The following WDR35 variants were observed in gnomAD, a reference collection of about 807,000 sequenced individuals.
WDR35 encodes the protein WD repeat domain 35, also known as WD repeat-containing protein 35.
A neutral mutation model predicts 158.3 loss-of-function variants in WDR35; 118 were observed. The ratio of observed to expected loss-of-function variants is 0.75; its 90% confidence interval spans 0.64 to 0.87. WDR35 has a LOEUF of 0.87. Among genes scored for constraint, WDR35 ranks in the 40% least tolerant of loss-of-function variants. WDR35 has a pLI of 0.00. For synonymous variants in WDR35, 448 were observed against 476.1 expected (o/e 0.94, Z 0.77); for missense variants, 1,263 against 1,405.8 (o/e 0.90, Z 1.62).
intron 25 of WDR35, among the ~76,000 whole-genome samples, chr2:19,928,678 TA>T (rs893145197): frequency 9.9e-5 from 15 of 152,178 alleles, no homozygotes; most frequent in Non-Finnish European, 1.3e-4. Context: ...CATGACTATA[TA>T]AAAAAAACTA....
In WDR35 at chr2:19,944,361, G is replaced by T. The variant is rs563468330; in HGVS notation, c.1845+1425C>A. The stretch of plus-strand genomic sequence containing the variant: ...TAAGAAACTCTTTCCACCAGGCAAA[G>T]ATTTCACTTGGTACCAGACTGACCA... On this transcript the variant is annotated intron_variant, in intron 16 of 26. Coordinates refer to ENST00000281405, the MANE Select transcript of WDR35 (RefSeq NM_020779.4). 2.1e-4 allele frequency among the ~76,000 whole-genome samples: 32 copies of T among 152,272 alleles called. No homozygotes were observed. The South Asian group carries it at 3.1e-3, about 15-fold the overall frequency.
intron 10 of WDR35, among the ~76,000 whole-genome samples, chr2:19,962,057 A>C (rs1030351324): frequency 1.3e-5 from 2 of 152,094 alleles, no homozygotes; most frequent in Admixed American, 1.3e-4. Context: ...AATTCCCAGG[A>C]CCCTCAGTTC....
At chr2:19,958,703 A>C (rs12620863) in intron 11 of WDR35, among the ~76,000 whole-genome samples, 10,621 of 152,248 alleles carry the variant, frequency 0.07, 552 homozygotes, top group South Asian at 0.19. Flanking sequence ...GTAGATCTTT[A>C]AGAAGTTCAA....
intron 11 of WDR35, among the ~76,000 whole-genome samples, chr2:19,955,449 T>A (rs1175653832): frequency 6.6e-6 from 1 of 152,214 alleles, no homozygotes; most frequent in Non-Finnish European, 1.5e-5. Flanking sequence ...TTTTATGAAG[T>A]AGATAGTCTC....
intron 11 of WDR35, among the ~76,000 whole-genome samples, chr2:19,955,806 T>G (rs1270657673): frequency 3.3e-5 from 5 of 152,168 alleles, no homozygotes; most frequent in African/African-American, 9.6e-5. Flanking sequence ...AACAAAGAAT[T>G]AGAAACTAGT....
intron 16 of WDR35, among the ~76,000 whole-genome samples, 167 bp from the exon 17 acceptor site, chr2:19,942,006 T>C (rs912379441): frequency 2.6e-5 from 4 of 152,194 alleles, no homozygotes; most frequent in African/African-American, 9.6e-5. Flanking sequence ...GTAAATATGC[T>C]TCCTTTAACT....
rs113816809 is a variant in WDR35, at chr2:19,966,927, A to T, written c.1009-18T>A. ...TAACCCCACTAGGAAGAAAGGAAGG[A>T]GGAAAGGGAAGGAGATTGAAAGGGA... On this transcript the variant is annotated intron_variant, in intron 9 of 26. Coordinates refer to ENST00000281405, the MANE Select transcript of WDR35 (RefSeq NM_020779.4). 2.2e-5 allele frequency: 35 copies of T among 1,610,864 alleles called. No individual in the cohort carries two copies. The highest frequency in any genetic ancestry group is 2.7e-5 in the African/African-American group (2 of 74,970).
intron 25 of WDR35, among the ~76,000 whole-genome samples, chr2:19,921,662 G>A (rs1032657213): frequency 1.8e-4 from 27 of 152,138 alleles, no homozygotes; most frequent in Non-Finnish European, 3.8e-4. Flanking sequence ...CAGGACATAG[G>A]CATGGGCAAA....
At position 19,936,205 on chromosome 2, in the gene WDR35, G is replaced by C. The variant is rs761124262; in HGVS notation, c.2414+14C>G. 3 of 1,613,638 alleles carry C rather than the reference G, an allele frequency of 1.9e-6. No individual in the cohort carries two copies. The African/African-American group carries it at 4.0e-5, about 22-fold the overall frequency. On this transcript the variant is annotated intron_variant, in intron 20 of 26. Coordinates refer to ENST00000281405, the MANE Select transcript of WDR35 (RefSeq NM_020779.4). ...TTGCATGAATGCTTGAGGAGCTCCA[G>C]GTAAGTTACATACCACTTTTGTCGA...
chr2:19,969,468 C>G lies in WDR35; in HGVS notation c.1008+12G>C. 2.5e-6 allele frequency: 4 copies of G among 1,607,302 alleles called. No homozygotes were observed. Among genetic ancestry groups the G allele is most frequent in the Non-Finnish European group, 3.4e-6 (4 of 1,175,302 alleles). On this transcript the variant is annotated intron_variant, in intron 9 of 26. Transcript: ENST00000281405. ...AAACACTGTTTATTTTACAACTGCTCTTAATATTTACCTTATAATTAGGTC... is the reference window on the plus strand; with the variant it reads ...AAACACTGTTTATTTTACAACTGCTGTTAATATTTACCTTATAATTAGGTC...
chr2:19,926,920 G>T (rs1468912267), intron 25 of WDR35, among the ~76,000 whole-genome samples: 5 of 151,858 alleles, frequency 3.3e-5, no homozygotes, highest in African/African-American at 1.2e-4. Context: ...CCACCCTGTT[G>T]CAGCCATTTC....
chr2:19,937,907 T>C lies in WDR35; in HGVS notation c.2103A>G (p.Leu701=), dbSNP rs769242996. 11 of 1,614,042 alleles carry C rather than the reference T, an allele frequency of 6.8e-6. No homozygotes were observed. Among genetic ancestry groups the C allele is most frequent in the Admixed American group, 6.7e-5 (4 of 59,974 alleles). ...LAEAALQKLD[L]YTAEQAFVRC... The stretch of plus-strand genomic sequence containing the variant: ...GCACAAATGCTTGCTCTGCAGTGTA[T>C]AGATCCAGTTTCTGAAGAGCTGCTT... Residue 701 remains leucine (L), a synonymous_variant, in exon 19 of 27, where the codon CTA becomes CTG. Coordinates refer to ENST00000281405, the MANE Select transcript of WDR35 (RefSeq NM_020779.4).
At chr2:19,986,024 G>A in intron 2 of WDR35, among the ~76,000 whole-genome samples, 1 of 152,016 alleles carries the variant, frequency 6.6e-6, no homozygotes, top group Non-Finnish European at 1.5e-5. Flanking sequence ...GAGGGATGAT[G>A]GTAGCTGGAG....
intron 5 of WDR35, among the ~76,000 whole-genome samples, chr2:19,976,248 A>G (rs1333913471): frequency 2.0e-5 from 3 of 152,148 alleles, no homozygotes; most frequent in African/African-American, 7.2e-5. Context: ...CCCTAAATAA[A>G]ATAAACACTT....
intron 7 of WDR35, among the ~76,000 whole-genome samples, chr2:19,974,059 C>G (rs35578217): frequency 6.6e-6 from 1 of 151,858 alleles, no homozygotes; most frequent in African/African-American, 2.4e-5. Flanking sequence ...GAACGCACCA[C>G]TGCACTCCAG....
chr2:19,973,557 A>T lies in WDR35; in HGVS notation c.882+6T>A. 1 of 1,614,112 alleles carries T rather than the reference A, an allele frequency of 6.2e-7. No individual in the cohort carries two copies. The highest frequency in any genetic ancestry group is 1.6e-4 in the Middle Eastern group (1 of 6,062). ...AAAGAAAGAAGATCAATTTGAATGC[A>T]TTTACCTCACCAAACGGAGTGTAAA... is the stretch of plus-strand genomic sequence containing the variant. On this transcript the variant is annotated splice_donor_region_variant and intron_variant, in intron 8 of 26. Coordinates refer to ENST00000281405, the MANE Select transcript of WDR35 (RefSeq NM_020779.4).
chr2:19,962,432 C>T, intron 10 of WDR35: 2 of 1,042,502 alleles, frequency 1.9e-6, no homozygotes, highest in Admixed American at 3.7e-5. Flanking sequence ...AAATAATCAT[C>T]AATGACCAAT....
Position 19,937,902 on chromosome 2 carries a change from G to A in WDR35, c.2108C>T (p.Thr703Ile). ...EAALQKLDLYTAEQAFVRCKD... is the reference protein window; with the variant it reads ...EAALQKLDLYIAEQAFVRCKD... ...GCAGCGCACAAATGCTTGCTCTGCA[G>A]TGTATAGATCCAGTTTCTGAAGAGC... is the stretch of plus-strand genomic sequence containing the variant. The change falls in exon 19 of 27, where the codon ACT becomes ATT. Residue 703 changes from threonine to isoleucine, a missense_variant. Physicochemically the swap from Thr to Ile is moderately conservative, Grantham distance 89. Transcript: ENST00000281405. 4 of 1,614,166 alleles carry A rather than the reference G, an allele frequency of 2.5e-6. No homozygotes were observed. Among genetic ancestry groups the A allele is most frequent in the Non-Finnish European group, 3.4e-6 (4 of 1,180,018 alleles).
chr2:19,915,562 AAC>A lies in WDR35; in HGVS notation c.3122-1287_3122-1286del, dbSNP rs1669964195. Among the ~76,000 whole-genome samples the A allele has an allele frequency of 2.0e-5, 3 of 152,150 alleles. No homozygotes were observed. The South Asian group carries it at 6.2e-4, about 31-fold the overall frequency. ...AATTGAATATGATACAGCTATTTTA[AAC>A]AGTGTATAATTTATGTCACATATTA... On this transcript the variant is annotated intron_variant, in intron 25 of 26. Coordinates refer to ENST00000281405, the MANE Select transcript of WDR35 (RefSeq NM_020779.4).
Sources: allele counts gnomAD v4.1 joint callset (sites outside exome capture counted in the v4.1 genomes callset), GRCh38; gene constraint gnomAD v4.1.1; transcripts MANE v1.5; gene names NCBI Gene and HGNC (gene_info 2026-07-23, HGNC 2026-07-21).